The following FAM184B variants were observed in gnomAD, a reference collection of about 807,000 sequenced individuals.
The protein encoded by FAM184B is family with sequence similarity 184 member B, also known as protein FAM184B.
FAM184B carries 111 observed loss-of-function variants against 135.9 expected under a neutral mutation model. The ratio of observed to expected loss-of-function variants is 0.82; its 90% CI spans 0.70 to 0.96. The LOEUF is 0.96. Ranked by LOEUF, FAM184B falls within the 40% of genes least tolerant of loss-of-function variation. FAM184B has a pLI of 0.00. For synonymous variants in FAM184B, 552 were observed against 524.8 expected, an observed-to-expected ratio of 1.05 and a Z score of -0.71; for missense variants, 1,375 against 1,323.9, an observed-to-expected ratio of 1.04 and a Z score of -0.60.
intron 7 of FAM184B, among the ~76,000 whole-genome samples, chr4:17,683,221 C>T (rs372836153): frequency 6.6e-6 from 1 of 152,302 alleles, no homozygotes. Context: ...TAGCAAAGCA[C>T]ACGTGTTGCT....
chr4:17,665,104 G>A (rs1237685912), intron 7 of FAM184B, among the ~76,000 whole-genome samples: 2 of 152,096 alleles, frequency 1.3e-5, no homozygotes, highest in South Asian at 2.1e-4. Flanking sequence ...CCTGCTGCAC[G>A]GGGCTGTTGT....
Position 17,765,286 on chromosome 4 carries a change from C to G in FAM184B, c.141+15873G>C, listed in dbSNP as rs148796135. 1.0e-3 allele frequency among the ~76,000 whole-genome samples: 156 copies of G among 152,174 alleles called. 1 individual carries two copies. Among genetic ancestry groups the G allele is most frequent in the African/African-American group, 3.7e-3 (153 of 41,506 alleles). On this transcript the variant is annotated intron_variant, in intron 1 of 17. Transcript: ENST00000265018. ...TTCTAGGCTGGTCTCTTCAAATCTT[C>G]CTAATATTCTTTCATGGGCATTACC...
At chr4:17,719,952 T>C (rs1256738626) in intron 1 of FAM184B, among the ~76,000 whole-genome samples, 1 of 152,226 alleles carries the variant, frequency 6.6e-6, no homozygotes, top group African/African-American at 2.4e-5. Flanking sequence ...TGAAATATTG[T>C]CTTCTCTTGG....
chr4:17,741,349 A>G (rs543641817), intron 1 of FAM184B, among the ~76,000 whole-genome samples: 56 of 152,326 alleles, frequency 3.7e-4, no homozygotes, highest in African/African-American at 1.3e-3. Context: ...CAAAAATGAA[A>G]GAGTAAGCAA....
Position 17,705,805 on chromosome 4 carries a change from C to T in FAM184B, c.1117G>A (p.Asp373Asn). The T allele has an allele frequency of 6.4e-7, 1 of 1,551,980 alleles. No individual in the cohort carries two copies. The change falls in exon 4 of 18, where the codon GAT becomes AAT. Residue 373 changes from aspartate (D) to asparagine (N), a missense_variant. Coordinates refer to ENST00000265018, the MANE Select transcript of FAM184B (RefSeq NM_015688.2). ...LEAGNLHPQQ[D>N]QSCLKECPCM... is the part of the protein sequence containing the mutation. ...GGGCACTCCTTGAGACAGCTTTGATCCTGCTGAGGATGAAGATTGCCGGCT... is the reference window on the plus strand; with the variant it reads ...GGGCACTCCTTGAGACAGCTTTGATTCTGCTGAGGATGAAGATTGCCGGCT...
intron 1 of FAM184B, among the ~76,000 whole-genome samples, chr4:17,725,950 G>A (rs1364037059): frequency 6.6e-6 from 1 of 151,050 alleles, no homozygotes; most frequent in Non-Finnish European, 1.5e-5. Context: ...TTGTGACAGA[G>A]TCTTGCTCTG....
chr4:17,641,340 C>T (rs984082225), intron 13 of FAM184B, among the ~76,000 whole-genome samples: 5 of 152,096 alleles, frequency 3.3e-5, no homozygotes, highest in African/African-American at 1.2e-4. Flanking sequence ...GTTAAGAAGA[C>T]ACCGCATGGT....
At chr4:17,695,450 GCCA>G (rs1173738036) in intron 5 of FAM184B, among the ~76,000 whole-genome samples, 4 of 152,192 alleles carry the variant, frequency 2.6e-5, no homozygotes, top group Non-Finnish European at 4.4e-5. Context: ...ACATGCATGA[GCCA>G]CCATGCCCAG....
chr4:17,721,913 C>T (rs183298390), intron 1 of FAM184B, among the ~76,000 whole-genome samples: 36 of 152,310 alleles, frequency 2.4e-4, no homozygotes, highest in African/African-American at 6.3e-4. Context: ...TCACAAGATT[C>T]GGCCTCTTGG....
intron 6 of FAM184B, among the ~76,000 whole-genome samples, chr4:17,692,027 G>A (rs571466533): frequency 2.3e-4 from 35 of 150,128 alleles, no homozygotes; most frequent in African/African-American, 8.3e-4. Context: ...CACTCCAGTC[G>A]GGCAACAGAG....
rs781639950 is a variant in FAM184B at position 17,634,970 on chromosome 4, G to T, written c.2889+39C>A. On this transcript the variant is annotated intron_variant, in intron 16 of 17. Transcript: ENST00000265018. Reference sequence around the variant, plus strand: ...ACCTTTAAGAAAAACGAAACCAATGGAATTGTATAATGCATTAAAACCATT... The same window carrying T: ...ACCTTTAAGAAAAACGAAACCAATGTAATTGTATAATGCATTAAAACCATT... 2.1e-6 allele frequency: 3 copies of T among 1,418,392 alleles called. 1 individual carries two copies. The South Asian group carries it at 3.7e-5, about 18-fold the overall frequency. 87.9% of individuals were successfully genotyped at this position (1,418,392 alleles called of 1,614,324 possible).
Position 17,646,883 on chromosome 4 carries a change from G to A in FAM184B, c.2346+754C>T, listed in dbSNP as rs559649294. Among the ~76,000 whole-genome samples, 4 of 152,218 alleles carry A rather than the reference G, an allele frequency of 2.6e-5. No individual in the cohort carries two copies. The South Asian group carries it at 8.3e-4, about 32-fold the overall frequency. ...TGGATGTGCAGGGAAGGGGCTGATG[G>A]GCAAAGTCTGAGCAGGAAGAGGAAA... On this transcript the variant is annotated intron_variant, in intron 12 of 17. Coordinates refer to ENST00000265018, the MANE Select transcript of FAM184B (RefSeq NM_015688.2).
intron 1 of FAM184B, among the ~76,000 whole-genome samples, chr4:17,765,376 A>C (rs913560224): frequency 6.6e-6 from 1 of 152,146 alleles, no homozygotes; most frequent in African/African-American, 2.4e-5. Context: ...AATAGAATCA[A>C]ACGAGGGGCC....
At chr4:17,695,174 T>C (rs1716827364) in intron 5 of FAM184B, among the ~76,000 whole-genome samples, 1 of 144,968 alleles carries the variant, frequency 6.9e-6, no homozygotes, top group African/African-American at 2.5e-5. Context: ...TTTTTTTTTT[T>C]CTGAGACAGG....
chr4:17,661,763 G>A (rs1224650520), intron 8 of FAM184B, among the ~76,000 whole-genome samples: 1 of 152,186 alleles, frequency 6.6e-6, no homozygotes, highest in Non-Finnish European at 1.5e-5. Context: ...TGGAGGAGCA[G>A]CCTCGGTCAA....
chr4:17,751,588 G>A (rs947933191), intron 1 of FAM184B, among the ~76,000 whole-genome samples: 2 of 151,998 alleles, frequency 1.3e-5, no homozygotes, highest in African/African-American at 4.8e-5. Context: ...TGTCTTCCAC[G>A]ATTAGCATCC....
intron 11 of FAM184B, among the ~76,000 whole-genome samples, chr4:17,648,179 G>C (rs532115053): frequency 1.3e-5 from 2 of 152,092 alleles, no homozygotes; most frequent in Non-Finnish European, 2.9e-5. Context: ...GGTTAGGATG[G>C]GTGGCAGGTG....
chr4:17,743,245 C>T (rs1264138372), intron 1 of FAM184B, among the ~76,000 whole-genome samples: 1 of 152,168 alleles, frequency 6.6e-6, no homozygotes, highest in Non-Finnish European at 1.5e-5. Context: ...TCCACCAGGC[C>T]AGAGTGGCTG....
intron 1 of FAM184B, among the ~76,000 whole-genome samples, chr4:17,728,316 G>A (rs1717690066): frequency 1.3e-5 from 2 of 152,148 alleles, no homozygotes; most frequent in South Asian, 4.1e-4. Flanking sequence ...GAGCCTAGGA[G>A]GTTGAGGCTG....
Sources: allele counts gnomAD v4.1 joint callset (sites outside exome capture counted in the v4.1 genomes callset), GRCh38; gene constraint gnomAD v4.1.1; transcripts MANE v1.5; gene names NCBI Gene and HGNC (gene_info 2026-07-23, HGNC 2026-07-21).